Variants in BCAS3 observed in about 807,000 individuals in gnomAD.
The protein encoded by BCAS3 is BCAS3 microtubule associated cell migration factor, also known as BCAS4/BCAS3 fusion.
BCAS3 carries 53 observed loss-of-function variants against 116.1 expected under a neutral mutation model. The ratio of observed to expected loss-of-function variants is 0.46; its 90% CI spans 0.37 to 0.57. The LOEUF is 0.57. Among genes scored for constraint, BCAS3 ranks in the 20% least tolerant of loss-of-function variants. The pLI, the probability that BCAS3 is intolerant of heterozygous loss-of-function variation, is 0.00. For missense variants in BCAS3, 917 were observed against 1,165.4 expected (o/e 0.79, Z 3.10); for synonymous variants, 391 against 408.2 (o/e 0.96, Z 0.51).
rs555764162 is a variant in BCAS3, at chr17:61,343,853, G to A, written c.2426-24474G>A. On this transcript the variant is annotated intron_variant, in intron 22 of 23. Transcript: ENST00000407086. The surrounding 1 kb of genome is among the most constrained non-coding windows in gnomAD (Gnocchi z 5.5). Reference sequence around the variant, plus strand: ...AGCGTTCTTTGCTCAGTTCTGCTCTGCAGCCCCCATGGCGACACCCTCTCT... The same window carrying A: ...AGCGTTCTTTGCTCAGTTCTGCTCTACAGCCCCCATGGCGACACCCTCTCT... 6.6e-6 allele frequency among the ~76,000 whole-genome samples: 1 copy of A among 152,340 alleles called. No homozygotes were observed. Among genetic ancestry groups the A allele is most frequent in the East Asian group, 1.9e-4 (1 of 5,188 alleles).
chr17:60,872,428 T>TATATCTGTA, intron 8 of BCAS3, among the ~76,000 whole-genome samples: 1 of 151,424 alleles, frequency 6.6e-6, no homozygotes, highest in African/African-American at 2.4e-5. Context: ...TCTGTATGTA[T>TATATCTGTA]ATATCTGTAT....
At chr17:61,221,072 C>T (rs2082083223) in intron 22 of BCAS3, among the ~76,000 whole-genome samples, 1 of 152,218 alleles carries the variant, frequency 6.6e-6, no homozygotes, top group Non-Finnish European at 1.5e-5. Context: ...TGCACTCCAG[C>T]CTGGTGACAG....
chr17:61,172,213 A>G (rs1055429955), intron 22 of BCAS3, among the ~76,000 whole-genome samples: 7 of 152,224 alleles, frequency 4.6e-5, no homozygotes, highest in African/African-American at 1.4e-4. Flanking sequence ...AATCAGCAAG[A>G]AGGAGATAGA....
intron 7 of BCAS3, among the ~76,000 whole-genome samples, chr17:60,864,119 A>T (rs2054389110): frequency 6.6e-6 from 1 of 152,242 alleles, no homozygotes; most frequent in Non-Finnish European, 1.5e-5. Flanking sequence ...ATTAAGAGCC[A>T]GGAGAGGAAT....
chr17:61,314,504 A>T (rs1209811656), intron 22 of BCAS3, among the ~76,000 whole-genome samples: 2 of 152,230 alleles, frequency 1.3e-5, no homozygotes, highest in African/African-American at 4.8e-5. Context: ...AGCCTGCAAC[A>T]GCCCTCCTAA....
chr17:60,858,386 G>GT (rs892652383), intron 7 of BCAS3, among the ~76,000 whole-genome samples: 120 of 142,932 alleles, frequency 8.4e-4, no homozygotes, highest in Middle Eastern at 3.6e-3. Flanking sequence ...TGTGGCTGTT[G>GT]TTTTTTTTTT....
intron 7 of BCAS3, among the ~76,000 whole-genome samples, chr17:60,867,437 T>C (rs1276479979): frequency 1.3e-5 from 2 of 152,142 alleles, no homozygotes; most frequent in Non-Finnish European, 2.9e-5. Context: ...ATTTTATTCT[T>C]CTTGTGTAGA....
At chr17:60,839,465 C>T (rs1007307431) in intron 7 of BCAS3, among the ~76,000 whole-genome samples, 12 of 152,176 alleles carry the variant, frequency 7.9e-5, no homozygotes, top group African/African-American at 2.9e-4. Context: ...GCCTGGTTAC[C>T]TCTCTATAAG....
chr17:61,308,152 T>TGGCCAAGCCCTGGAAGTGC (rs11271852), intron 22 of BCAS3, among the ~76,000 whole-genome samples: 9,315 of 152,148 alleles, frequency 0.061, 810 homozygotes, highest in African/African-American at 0.2. Context: ...TGGGCACAAC[T>TGGCCAAGCCCTGGAAGTGC]GGCCAAGTGT....
intron 22 of BCAS3, among the ~76,000 whole-genome samples, chr17:61,254,364 G>T (rs1040697986): frequency 1.3e-5 from 2 of 152,060 alleles, no homozygotes; most frequent in South Asian, 4.1e-4. Flanking sequence ...TGATTTAGAA[G>T]GTAAAATTAC....
At chr17:61,165,698 C>T (rs2078449902) in intron 22 of BCAS3, among the ~76,000 whole-genome samples, 1 of 152,012 alleles carries the variant, frequency 6.6e-6, no homozygotes, top group African/African-American at 2.4e-5. Flanking sequence ...GAAAAACAAA[C>T]AAACAAACAA....
intron 23 of BCAS3, among the ~76,000 whole-genome samples, chr17:61,373,340 T>C (rs897508914): frequency 1.3e-5 from 2 of 151,634 alleles, no homozygotes; most frequent in Non-Finnish European, 2.9e-5. Context: ...TCTGTCCGCA[T>C]CAGCCTCCCA....
rs1482721780 is a variant in BCAS3, at chr17:61,087,034, G to A, written c.2425+2470G>A. ...TCAAGGTAGCAAGTCTAACGAAATC[G>A]AGGCTAAATAATTTGAGTTCTTTAT... On this transcript the variant is annotated intron_variant, in intron 22 of 23. Coordinates refer to ENST00000407086, the MANE Select transcript of BCAS3 (RefSeq NM_017679.5). The surrounding 1 kb of genome is among the most constrained non-coding windows in gnomAD (Gnocchi z 4.6). The A allele has an allele frequency of 1.2e-5, 12 of 984,936 alleles. No homozygotes were observed. Among genetic ancestry groups the A allele is most frequent in the African/African-American group, 3.5e-5 (2 of 57,216 alleles). The allele number at this position is 984,936 out of a possible 1,614,324, so 61.0% of individuals were successfully genotyped here. A position where few individuals can be genotyped will look rare whatever the true frequency, so the allele number is the denominator to read the frequency against.
In BCAS3 at chr17:61,063,194, T is replaced by C. The variant is rs1011855482; in HGVS notation, c.2030-11726T>C. ...CTTCTGCCTTTTGGTAGCCATTGCTTTGATTGTGCTTCGTCTCTTGGATCC... is the reference window on the plus strand; with the variant it reads ...CTTCTGCCTTTTGGTAGCCATTGCTCTGATTGTGCTTCGTCTCTTGGATCC... On this transcript the variant is annotated intron_variant, in intron 19 of 23. Coordinates refer to ENST00000407086, the MANE Select transcript of BCAS3 (RefSeq NM_017679.5). The surrounding 1 kb of genome is among the most constrained non-coding windows in gnomAD (Gnocchi z 5.3). Among the ~76,000 whole-genome samples the C allele has an allele frequency of 1.3e-5, 2 of 152,220 alleles. No individual in the cohort carries two copies. Among genetic ancestry groups the C allele is most frequent in the African/African-American group, 4.8e-5 (2 of 41,462 alleles).
intron 9 of BCAS3, chr17:60,886,465 C>T (rs935243309): frequency 7.2e-5 from 11 of 152,220 alleles, no homozygotes; most frequent in African/African-American, 2.2e-4. Flanking sequence ...ATTCTCCATC[C>T]ACCTTTGTTC....
intron 22 of BCAS3, among the ~76,000 whole-genome samples, chr17:61,101,964 T>A (rs986438966): frequency 1.3e-5 from 2 of 152,110 alleles, no homozygotes; most frequent in Admixed American, 6.5e-5. Context: ...ACTAATAAAT[T>A]GAAAGGCTGT....
chr17:60,727,239 C>G (rs113451645), intron 5 of BCAS3: 13,203 of 967,464 alleles, frequency 0.014, 577 homozygotes, highest in African/African-American at 0.12. Flanking sequence ...TGAATGACCA[C>G]CATCCTCTTG....
At position 60,902,609 on chromosome 17, in the gene BCAS3, C is replaced by T; in HGVS notation, c.739-11C>T. The T allele has an allele frequency of 2.5e-6, 4 of 1,590,572 alleles. No individual in the cohort carries two copies. Among genetic ancestry groups the T allele is most frequent in the East Asian group, 2.2e-5 (1 of 44,750 alleles). ...AATGACGTTCTGCTTCTCTCTCTCT[C>T]TTTTTCTCAGTTGATTCGATGTCAT... On this transcript the variant is annotated splice_polypyrimidine_tract_variant and intron_variant, in intron 10 of 23. Coordinates refer to ENST00000407086, the MANE Select transcript of BCAS3 (RefSeq NM_017679.5).
intron 14 of BCAS3, among the ~76,000 whole-genome samples, chr17:60,987,846 G>A (rs941640214): frequency 1.3e-5 from 2 of 151,974 alleles, no homozygotes; most frequent in Admixed American, 6.6e-5. Flanking sequence ...CTCTGGCTAG[G>A]ACTTCCGGTA....
Sources: gnomAD v4.1 joint callset for allele counts (sites outside exome capture counted in the v4.1 genomes callset) on GRCh38, gnomAD v4.1.1 for gene constraint, Gnocchi (gnomAD v3.1) non-coding constraint, MANE v1.5 for transcripts, NCBI Gene and HGNC (gene_info 2026-07-23, HGNC 2026-07-21) for gene names.